LAMA1: variants seen among roughly 807,000 people sequenced by gnomAD.
LAMA1 encodes laminin subunit alpha-1.
LAMA1 carries 219 observed loss-of-function variants against 348.7 expected under a neutral mutation model. The observed-to-expected ratio is 0.63, with a 90% CI of 0.56 to 0.70. LAMA1 has a LOEUF of 0.70. Among genes scored for constraint, LAMA1 ranks in the 30% least tolerant of loss-of-function variants. The pLI is 0.00. For missense variants in LAMA1, 3,744 were observed against 3,888.0 expected, an observed-to-expected ratio of 0.96 and a Z score of 0.99; for synonymous variants, 1,487 against 1,491.0, an observed-to-expected ratio of 1.00 and a Z score of 0.06.
At chr18:7,029,594 C>G (rs34439688) in intron 16 of LAMA1, among the ~76,000 whole-genome samples, 19,361 of 152,072 alleles carry the variant, frequency 0.13, 1,559 homozygotes, top group Non-Finnish European at 0.17. Context: ...CAGGCGTGTG[C>G]CACCAGCCCT....
chr18:7,042,343 G>C (rs960695342), intron 8 of LAMA1, 93 bp from the exon 9 acceptor site: 2 of 768,826 alleles, frequency 2.6e-6, no homozygotes, highest in African/African-American at 3.4e-5. Flanking sequence ...TTTTACTCAA[G>C]ATGGGACTAT....
At chr18:7,078,356 C>T (rs368379346) in intron 3 of LAMA1, among the ~76,000 whole-genome samples, 8 of 151,208 alleles carry the variant, frequency 5.3e-5, no homozygotes, top group East Asian at 4.1e-4. Flanking sequence ...TTAGTAAAGA[C>T]GGGGTTTCAC....
chr18:7,083,755 T>C (rs1290245834), intron 1 of LAMA1, among the ~76,000 whole-genome samples: 1 of 152,092 alleles, frequency 6.6e-6, no homozygotes, highest in Non-Finnish European at 1.5e-5. Flanking sequence ...GAACCACATC[T>C]GTTCCAAGAT....
chr18:6,985,568 C>A lies in LAMA1; in HGVS notation c.5455G>T (p.Ala1819Ser). 1 of 1,614,150 alleles carries A rather than the reference C, an allele frequency of 6.2e-7. No homozygotes were observed. Among genetic ancestry groups the A allele is most frequent in the Non-Finnish European group, 8.5e-7 (1 of 1,180,012 alleles). The stretch of plus-strand genomic sequence containing the variant: ...ACAGCATCTGTTTGTGCAGCAGCAG[C>A]ATCTATCAATCCTCTTCCTTGGACA... ...LIVQGRGLIDAAAAQTDAVQD... is the reference protein window; with the variant it reads ...LIVQGRGLIDSAAAQTDAVQD... Residue 1819 changes from alanine to serine, a missense_variant, in exon 38 of 63, where the codon GCT becomes TCT. Transcript: ENST00000389658.
intron 49 of LAMA1, chr18:6,965,661 A>T: frequency 1.8e-6 from 1 of 552,924 alleles, no homozygotes; most frequent in South Asian, 2.1e-5. Flanking sequence ...TCCACAATTC[A>T]GTAAGAGAAG....
intron 61 of LAMA1, among the ~76,000 whole-genome samples, chr18:6,944,076 C>T (rs1234407910): frequency 3.3e-5 from 5 of 152,008 alleles, no homozygotes; most frequent in African/African-American, 1.2e-4. Context: ...AGTGCAGTGG[C>T]GCGGTCTTGG....
At chr18:6,956,588 C>G in intron 56 of LAMA1, 48 bp downstream of exon 56, 1 of 1,613,156 alleles carries the variant, frequency 6.2e-7, no homozygotes, top group South Asian at 1.1e-5. Context: ...GTCCTAGGCC[C>G]TCCTTTGCTG....
At chr18:7,062,410 G>A (rs2058105876) in intron 3 of LAMA1, among the ~76,000 whole-genome samples, 1 of 152,196 alleles carries the variant, frequency 6.6e-6, no homozygotes, top group Non-Finnish European at 1.5e-5. Flanking sequence ...GAGATGGCAG[G>A]AGAGAGCCGG....
chr18:7,021,121 G>A (rs567963323), intron 19 of LAMA1, among the ~76,000 whole-genome samples: 16 of 152,062 alleles, frequency 1.1e-4, no homozygotes, highest in Non-Finnish European at 2.1e-4. Context: ...GTCTTCCCAC[G>A]CTGGTCACTC....
chr18:7,113,872 C>T (rs1014125388), intron 1 of LAMA1, among the ~76,000 whole-genome samples: 6 of 152,122 alleles, frequency 3.9e-5, no homozygotes, highest in Middle Eastern at 3.4e-3. Context: ...GTCATGAGAT[C>T]GAGACCATCC....
At chr18:7,116,953 GC>G (rs1437090077) in intron 1 of LAMA1, among the ~76,000 whole-genome samples, 1 of 152,038 alleles carries the variant, frequency 6.6e-6, no homozygotes, top group Admixed American at 6.6e-5. Flanking sequence ...CTGGTCCCTC[GC>G]CCCGGCGCGC....
chr18:7,102,493 T>C (rs2058295516), intron 1 of LAMA1, among the ~76,000 whole-genome samples: 3 of 152,176 alleles, frequency 2.0e-5, no homozygotes, highest in Non-Finnish European at 2.9e-5. Context: ...GCAGTCACAT[T>C]AGAGTATTTT....
chr18:6,999,138 C>T (rs1376970627), intron 32 of LAMA1, among the ~76,000 whole-genome samples: 1 of 151,966 alleles, frequency 6.6e-6, no homozygotes, highest in African/African-American at 2.4e-5. Flanking sequence ...CTCTCCTGCA[C>T]TAAATCACTC....
chr18:7,073,119 C>T (rs1034525250), intron 3 of LAMA1, among the ~76,000 whole-genome samples: 1 of 152,192 alleles, frequency 6.6e-6, no homozygotes, highest in Non-Finnish European at 1.5e-5. Context: ...TCTCCCAGCT[C>T]TCCCACACTG....
At position 6,947,197 on chromosome 18, in the gene LAMA1, A is replaced by G; in HGVS notation, c.8810T>C (p.Val2937Ala). 1 of 1,614,196 alleles carries G rather than the reference A, an allele frequency of 6.2e-7. No homozygotes were observed. Among genetic ancestry groups the G allele is most frequent in the African/African-American group, 1.3e-5 (1 of 75,052 alleles). ...CACAAGCTCTAGTCCAATGGCATCC[A>G]CTTTGGCAGTGCTGATCCCCAGGAG... ...GVLLGISTAK[V>A]DAIGLELVDG... The change falls in exon 61 of 63, where the codon GTG becomes GCG. Residue 2937 changes from valine (V) to alanine (A), a missense_variant. By Grantham distance (64) the Val-to-Ala change is moderately conservative. Coordinates refer to ENST00000389658, the MANE Select transcript of LAMA1 (RefSeq NM_005559.4).
At chr18:6,945,213 T>C (rs1406858660) in intron 61 of LAMA1, among the ~76,000 whole-genome samples, 1 of 152,164 alleles carries the variant, frequency 6.6e-6, no homozygotes, top group Non-Finnish European at 1.5e-5. Context: ...ATTTTTTAGA[T>C]GTCACATAAA....
rs751256456 is a variant in LAMA1 at position 6,982,544 on chromosome 18, C to A, written c.5843G>T (p.Ser1948Ile). 1 of 1,614,038 alleles carries A rather than the reference C, an allele frequency of 6.2e-7. No individual in the cohort carries two copies. Among genetic ancestry groups the A allele is most frequent in the African/African-American group, 1.3e-5 (1 of 74,916 alleles). Residue 1948 changes from serine (S) to isoleucine (I), a missense_variant, in exon 41 of 63, where the codon AGC (serine) becomes ATC (isoleucine). Around this residue, in one of 3 missense-constraint regions of LAMA1, gnomAD observed 1,983 missense variants for 1,934.3 expected, o/e 1.03. Transcript: ENST00000389658. ...GTTGCCTTCTTTTAGAAATCTGGAGCTGCGCTGCACGGCCGCTTTCCCGTT... is the reference window on the plus strand; with the variant it reads ...GTTGCCTTCTTTTAGAAATCTGGAGATGCGCTGCACGGCCGCTTTCCCGTT... ...VSNGKAAVQR[S>I]SRFLKEGNNL...
At chr18:6,991,921 G>A (rs1324704420) in intron 36 of LAMA1, among the ~76,000 whole-genome samples, 1 of 152,158 alleles carries the variant, frequency 6.6e-6, no homozygotes, top group Non-Finnish European at 1.5e-5. Context: ...GTCCAGAGTA[G>A]AGTTTTAATA....
intron 39 of LAMA1, 142 bp from the exon 40 acceptor site, chr18:6,983,376 C>T (rs1045095747): frequency 2.3e-6 from 2 of 870,440 alleles, no homozygotes; most frequent in Admixed American, 2.1e-5. Context: ...TAAAAAATAA[C>T]AACCTATGGG....
Sources: gnomAD v4.1 joint callset for allele counts (sites outside exome capture counted in the v4.1 genomes callset) on GRCh38, gnomAD v4.1.1 for gene constraint, gnomAD v4.1.1 regional missense constraint, MANE v1.5 for transcripts, NCBI Gene and HGNC (gene_info 2026-07-23, HGNC 2026-07-21) for gene names.